MEIS3: variants seen among roughly 807,000 people sequenced by gnomAD.
MEIS3 encodes homeobox protein Meis3.
In MEIS3, 38 loss-of-function variants were observed where a neutral mutation model predicts 51.4. The ratio of observed to expected loss-of-function variants is 0.74; its 90% confidence interval spans 0.57 to 0.97. The LOEUF (loss-of-function observed/expected upper bound fraction) is 0.97. MEIS3 is among the 50% of genes least tolerant of loss of function. MEIS3 has a pLI of 0.00. For synonymous variants in MEIS3, 198 were observed against 201.8 expected (o/e 0.98, Z 0.16); for missense variants, 456 against 502.6 (o/e 0.91, Z 0.89).
rs755363169 is a variant in MEIS3 at position 47,416,813 on chromosome 19, A to G, written c.336T>C (p.Phe112=). 6.8e-6 allele frequency: 11 copies of G among 1,613,464 alleles called. No homozygotes were observed. Among genetic ancestry groups the G allele is most frequent in the East Asian group, 6.7e-5 (3 of 44,890 alleles). The part of the protein sequence containing the change: ...SDSFNEDIAA[F]AKQVRSERPL... Reference sequence around the variant, plus strand: ...GGTGGGAGGTGCCCACCTGCTTGGCAAAGGCAGCGATGTCCTCGTTGAAGG... The same window carrying G: ...GGTGGGAGGTGCCCACCTGCTTGGCGAAGGCAGCGATGTCCTCGTTGAAGG... Residue 112 remains phenylalanine (F), a synonymous_variant, in exon 3 of 13, where the codon TTT becomes TTC. Transcript: ENST00000558555.
chr19:47,409,128 T>C lies in MEIS3; in HGVS notation c.829A>G (p.Met277Val). The change falls in exon 8 of 13, where the codon ATG becomes GTG. Residue 277 changes from methionine (M) to valine (V), a missense_variant. Transcript: ENST00000558555. ...GIFPKVATNIMRAWLFQHLSH... is the reference protein window; with the variant it reads ...GIFPKVATNIVRAWLFQHLSH... The stretch of plus-strand genomic sequence containing the variant: ...AGGTGCTGGAACAACCAGGCTCGCA[T>C]GATGTTGGTGGCCACCTTGGGGAAG... The C allele has an allele frequency of 6.2e-7, 1 of 1,611,346 alleles. No individual in the cohort carries two copies. Among genetic ancestry groups the C allele is most frequent in the Non-Finnish European group, 8.5e-7 (1 of 1,179,960 alleles).
Position 47,414,418 on chromosome 19 carries a change from G to A in MEIS3, c.597+299C>T, listed in dbSNP as rs574475023. ...ACCCGGTGGACGCTACTGTCTGGCT[G>A]TGAGCAGAAATGGCTGTTGCTGAGT... On this transcript the variant is annotated intron_variant, in intron 6 of 12. Transcript: ENST00000558555. 3.3e-5 allele frequency among the ~76,000 whole-genome samples: 5 copies of A among 152,148 alleles called. No individual in the cohort carries two copies. The East Asian group carries it at 7.7e-4, about 23-fold the overall frequency.
Position 47,409,428 on chromosome 19 carries a change from A to T in MEIS3, c.709+8T>A, listed in dbSNP as rs1971012879. On this transcript the variant is annotated splice_region_variant and intron_variant, in intron 7 of 12. Transcript: ENST00000558555. ...CCATGTTTCCCTTCCACCTCCCAAG[A>T]TTCTCACCTTGGTCACTGGAGTTGT... 2 of 1,607,440 alleles carry T rather than the reference A, an allele frequency of 1.2e-6. No individual in the cohort carries two copies. The highest frequency in any genetic ancestry group is 1.7e-6 in the Non-Finnish European group (2 of 1,174,014).
rs1408143825 is a variant in MEIS3 at position 47,417,237 on chromosome 19, C to A, written c.126G>T (p.Gln42His). 6.2e-7 allele frequency: 1 copy of A among 1,602,474 alleles called. No individual in the cohort carries two copies. ...PGPYGPHRPP[Q>H]PLPPGLDSDG... is the part of the protein sequence containing the mutation. ...CGCTGTCCAAGCCTGGGGGCAGGGG[C>A]TGGGGAGGCCGGTGCGGGCCATAGG... The change falls in exon 2 of 13, where the codon CAG becomes CAT. Residue 42 changes from glutamine (Q) to histidine (H), a missense_variant. Physicochemically the swap from Gln to His is conservative, Grantham distance 24. Coordinates refer to ENST00000558555, the MANE Select transcript of MEIS3 (RefSeq NM_001301059.2).
chr19:47,416,794 A>T lies in MEIS3; in HGVS notation c.345+10T>A. On this transcript the variant is annotated intron_variant, in intron 3 of 12. Transcript: ENST00000558555. ...TCTGACTCGGTGTGTGGTGGGTGGGAGGTGCCCACCTGCTTGGCAAAGGCA... is the reference window on the plus strand; with the variant it reads ...TCTGACTCGGTGTGTGGTGGGTGGGTGGTGCCCACCTGCTTGGCAAAGGCA... 1 of 1,613,044 alleles carries T rather than the reference A, an allele frequency of 6.2e-7. No individual in the cohort carries two copies. The highest frequency in any genetic ancestry group is 1.1e-5 in the South Asian group (1 of 91,050).
chr19:47,417,498 C>A, intron 1 of MEIS3, 148 bp from the exon 2 acceptor site: 1 of 1,010,140 alleles, frequency 9.9e-7, no homozygotes, highest in Non-Finnish European at 1.5e-6. Flanking sequence ...TCTGAGCCCC[C>A]AAGCTTGAAG....
intron 1 of MEIS3, 101 bp downstream of exon 1, chr19:47,418,969 A>G: frequency 1.5e-6 from 1 of 657,386 alleles, no homozygotes; most frequent in Non-Finnish European, 2.1e-6. Context: ...GGTGGTGTAG[A>G]GGACGGATGG....
chr19:47,417,505 G>C, intron 1 of MEIS3, 155 bp from the exon 2 acceptor site: 1 of 936,520 alleles, frequency 1.1e-6, no homozygotes, highest in Non-Finnish European at 1.7e-6. Flanking sequence ...CCCCAAGCTT[G>C]AAGCCCTCCA....
intron 1 of MEIS3, 129 bp from the exon 2 acceptor site, chr19:47,417,479 C>T: frequency 8.6e-7 from 1 of 1,164,602 alleles, no homozygotes; most frequent in Admixed American, 2.0e-5. Flanking sequence ...TGCCTGTGGT[C>T]CCCAGGTGTC....
At chr19:47,409,585 C>T (rs771214265) in intron 6 of MEIS3, 38 bp from the exon 7 acceptor site, 27 of 1,502,008 alleles carry the variant, frequency 1.8e-5, no homozygotes, top group Non-Finnish European at 2.3e-5. Context: ...CCAAGGCGGC[C>T]GGGCGCAGTG....
At chr19:47,419,844 C>A (rs1033846184), upstream of MEIS3, among the ~76,000 whole-genome samples, 2 of 152,072 alleles carry the variant, frequency 1.3e-5, no homozygotes, top group African/African-American at 4.8e-5. Context: ...CTCTGTTCTC[C>A]GAGCCCCCTG....
rs1970997577 is a variant in MEIS3, at chr19:47,409,182, C to T, written c.775G>A (p.Glu259Lys). 5.6e-6 allele frequency: 9 copies of T among 1,613,142 alleles called. No homozygotes were observed. In the East Asian group the frequency reaches 1.8e-4, roughly 32 times the overall value. The change falls in exon 8 of 13, where the codon GAG (glutamate) becomes AAG (lysine). Residue 259 changes from glutamate (E) to lysine (K), a missense_variant. Glu to Lys is a moderately conservative substitution (Grantham distance 56, BLOSUM62 1). Transcript: ENST00000558555. Reference sequence around the variant, plus strand: ...CCCCTCTTCTTGTTTCGCCGTCGCTCCTGGTCCAAGTCCTCATCTTCTCCA... The same window carrying T: ...CCCCTCTTCTTGTTTCGCCGTCGCTTCTGGTCCAAGTCCTCATCTTCTCCA... ...SGGEDEDLDQ[E>K]RRRNKKRGIF...
chr19:47,408,051 C>T (rs1599803335), intron 8 of MEIS3, among the ~76,000 whole-genome samples: 1 of 152,096 alleles, frequency 6.6e-6, no homozygotes, highest in South Asian at 2.1e-4. Context: ...GTGATCCGCC[C>T]GCCTCGGCCT....
At chr19:47,405,213 C>T (rs1970757583) in intron 12 of MEIS3, among the ~76,000 whole-genome samples, 1 of 152,152 alleles carries the variant, frequency 6.6e-6, no homozygotes. Flanking sequence ...CTTTCGGGAT[C>T]GTTGTAAGGA....
chr19:47,404,533 G>A (rs1370397815), intron 12 of MEIS3, among the ~76,000 whole-genome samples: 1 of 152,106 alleles, frequency 6.6e-6, no homozygotes, highest in Non-Finnish European at 1.5e-5. Flanking sequence ...GGGGGCTGGG[G>A]CTGTCTCACA....
At chr19:47,418,412 A>C (rs1394050738) in intron 1 of MEIS3, 2 of 152,060 alleles carry the variant, frequency 1.3e-5, no homozygotes, top group African/African-American at 4.9e-5. Context: ...AGGCACTCTC[A>C]CCAAAAGCGG....
At chr19:47,411,714 G>C (rs1388722933) in intron 6 of MEIS3, among the ~76,000 whole-genome samples, 2 of 148,936 alleles carry the variant, frequency 1.3e-5, no homozygotes, top group South Asian at 2.1e-4. Flanking sequence ...CTAATTTTTT[G>C]TATCTCTAGT....
intron 6 of MEIS3, among the ~76,000 whole-genome samples, chr19:47,410,651 A>G (rs1323771970): frequency 6.6e-6 from 1 of 151,902 alleles, no homozygotes. Context: ...CTGTAGTCCC[A>G]GCTACTCGGG....
At chr19:47,413,778 A>T (rs1258308408) in intron 6 of MEIS3, among the ~76,000 whole-genome samples, 1 of 144,804 alleles carries the variant, frequency 6.9e-6, no homozygotes, top group African/African-American at 2.6e-5. Context: ...CCCAGGCTGG[A>T]GTGCAGTGGT....
Sources: allele counts gnomAD v4.1 joint callset (sites outside exome capture counted in the v4.1 genomes callset), GRCh38; gene constraint gnomAD v4.1.1; transcripts MANE v1.5; gene names NCBI Gene and HGNC (gene_info 2026-07-23, HGNC 2026-07-21).